The following AGBL1 variants were observed in gnomAD, a reference collection of about 807,000 sequenced individuals.
The protein encoded by AGBL1 is cytosolic carboxypeptidase 4.
In AGBL1, 130 loss-of-function variants were observed where a neutral mutation model predicts 118.9. The ratio of observed to expected loss-of-function variants is 1.09; its 90% CI spans 0.95 to 1.26. AGBL1 has a LOEUF of 1.26. AGBL1 is among the 50% of genes most tolerant of loss of function. AGBL1 has a pLI of 0.00. For synonymous variants in AGBL1, 555 were observed against 478.9 expected (o/e 1.16, Z -2.08); for missense variants, 1,584 against 1,298.1 (o/e 1.22, Z -3.38).
At position 86,998,268 on chromosome 15, in the gene AGBL1, G is replaced by C. The variant is rs537523435; in HGVS notation, c.3323+10180G>C. Among the ~76,000 whole-genome samples the C allele has an allele frequency of 7.2e-5, 11 of 152,270 alleles. No individual in the cohort carries two copies. The South Asian group carries it at 1.2e-3, about 17-fold the overall frequency. Reference sequence around the variant, plus strand: ...AAAGACTGTAACATTTGTATTTCAAGTAGATTCTCTCAATTGACTCTATCC... The same window carrying C: ...AAAGACTGTAACATTTGTATTTCAACTAGATTCTCTCAATTGACTCTATCC... On this transcript the variant is annotated intron_variant, in intron 24 of 24. Transcript: ENST00000441037.
chr15:86,415,360 A>T (rs912120391), intron 18 of AGBL1, among the ~76,000 whole-genome samples: 4 of 152,178 alleles, frequency 2.6e-5, no homozygotes, highest in African/African-American at 9.6e-5. Flanking sequence ...TCTGAGGGAT[A>T]CACCACAGTA....
At chr15:86,519,300 A>G (rs1416321273) in intron 18 of AGBL1, among the ~76,000 whole-genome samples, 2 of 152,178 alleles carry the variant, frequency 1.3e-5, no homozygotes, top group Non-Finnish European at 2.9e-5. Context: ...ACTATTTGAG[A>G]GAGGACCACT....
chr15:86,604,076 C>T (rs1351557105), intron 21 of AGBL1, among the ~76,000 whole-genome samples: 2 of 151,032 alleles, frequency 1.3e-5, no homozygotes, highest in African/African-American at 4.9e-5. Context: ...ATCGACCATC[C>T]ACCTATACAA....
chr15:87,013,027 T>C (rs1378023306), intron 24 of AGBL1, among the ~76,000 whole-genome samples: 1 of 152,208 alleles, frequency 6.6e-6, no homozygotes, highest in Admixed American at 6.5e-5. Context: ...GCTACTGATA[T>C]CTACACTTCA....
intron 21 of AGBL1, among the ~76,000 whole-genome samples, chr15:86,660,308 C>T (rs1415193702): frequency 2.0e-5 from 3 of 151,988 alleles, no homozygotes; most frequent in South Asian, 2.1e-4. Flanking sequence ...CCTAGACTTC[C>T]ATTATTGCTA....
chr15:86,677,561 T>G (rs1005236249), intron 22 of AGBL1, among the ~76,000 whole-genome samples: 2 of 152,166 alleles, frequency 1.3e-5, no homozygotes, highest in African/African-American at 2.4e-5. Context: ...TCTCGATTTG[T>G]ATCCCTCCAC....
At chr15:86,099,055 C>G (rs1420422302) in intron 1 of AGBL1, among the ~76,000 whole-genome samples, 1 of 152,034 alleles carries the variant, frequency 6.6e-6, no homozygotes, top group East Asian at 1.9e-4. Flanking sequence ...CGCAACATAT[C>G]AAAATCTATG....
At chr15:86,895,350 G>A (rs549225620) in intron 22 of AGBL1, among the ~76,000 whole-genome samples, 45 of 150,392 alleles carry the variant, frequency 3.0e-4, no homozygotes, top group African/African-American at 1.1e-3. Flanking sequence ...TATAACCACT[G>A]TCAGCCTACA....
At chr15:86,865,906 T>C (rs1051108643) in intron 22 of AGBL1, among the ~76,000 whole-genome samples, 5 of 152,310 alleles carry the variant, frequency 3.3e-5, no homozygotes, top group Admixed American at 2.0e-4. Context: ...ATTAAATGAG[T>C]TAATGCATAT....
At chr15:86,666,574 A>G (rs190212751) in intron 21 of AGBL1, among the ~76,000 whole-genome samples, 1 of 152,164 alleles carries the variant, frequency 6.6e-6, no homozygotes, top group Non-Finnish European at 1.5e-5. Flanking sequence ...AACAGTGGTG[A>G]AAGCAGGCCA....
chr15:86,984,918 C>G (rs543139011), intron 23 of AGBL1, among the ~76,000 whole-genome samples: 1 of 152,254 alleles, frequency 6.6e-6, no homozygotes, highest in Admixed American at 6.5e-5. Context: ...CACAGACAAC[C>G]GATGATCTGC....
chr15:86,549,355 A>T (rs1452906796), intron 20 of AGBL1, among the ~76,000 whole-genome samples: 1 of 152,122 alleles, frequency 6.6e-6, no homozygotes, highest in African/African-American at 2.4e-5. Flanking sequence ...TGAGCACTAC[A>T]TTTGCCCAAA....
At chr15:86,693,309 T>C (rs1469565361) in intron 22 of AGBL1, among the ~76,000 whole-genome samples, 2 of 152,140 alleles carry the variant, frequency 1.3e-5, no homozygotes, top group East Asian at 3.9e-4. Context: ...AGGAGTAAAG[T>C]GGTATCACAT....
chr15:86,119,736 G>T lies in AGBL1; in HGVS notation c.52-22268G>T, dbSNP rs190614085. Reference sequence around the variant, plus strand: ...ATGTGGAAACTAGTAGATAAAAGTTGTCCAGTATGACTGTGCAGACTGCAA... The same window carrying T: ...ATGTGGAAACTAGTAGATAAAAGTTTTCCAGTATGACTGTGCAGACTGCAA... On this transcript the variant is annotated intron_variant, in intron 1 of 22. Coordinates refer to ENST00000614907, the MANE Select transcript of AGBL1 (RefSeq NM_001386094.1). 8.2e-4 allele frequency among the ~76,000 whole-genome samples: 124 copies of T among 151,986 alleles called. 1 individual carries two copies. Among genetic ancestry groups the T allele is most frequent in the African/African-American group, 2.8e-3 (115 of 41,444 alleles).
intron 1 of AGBL1, among the ~76,000 whole-genome samples, chr15:86,115,120 C>T (rs147167355): frequency 6.2e-4 from 94 of 152,264 alleles, no homozygotes; most frequent in African/African-American, 1.3e-3. Context: ...CTCAAAATGA[C>T]ACAATGAGAC....
chr15:86,282,697 T>G (rs143321347), intron 16 of AGBL1, among the ~76,000 whole-genome samples: 36 of 152,328 alleles, frequency 2.4e-4, no homozygotes, highest in African/African-American at 8.4e-4. Context: ...TCATTTTTGT[T>G]TTTGGACATG....
intron 21 of AGBL1, among the ~76,000 whole-genome samples, chr15:86,597,172 C>CATCT (rs911017226): frequency 2.0e-5 from 3 of 151,730 alleles, no homozygotes; most frequent in African/African-American, 2.4e-5. Context: ...TCCATCCATC[C>CATCT]ATCTCTCTTA....
chr15:86,426,272 T>G (rs1244473102), intron 18 of AGBL1, among the ~76,000 whole-genome samples: 1 of 152,176 alleles, frequency 6.6e-6, no homozygotes, highest in East Asian at 1.9e-4. Context: ...TAAGACAAAT[T>G]TGTATGATGT....
chr15:86,575,997 A>T (rs1483920901), intron 21 of AGBL1, among the ~76,000 whole-genome samples: 1 of 152,230 alleles, frequency 6.6e-6, no homozygotes, highest in Non-Finnish European at 1.5e-5. Flanking sequence ...AACAATGTGC[A>T]AACAAGCTTA....
Sources: gnomAD v4.1 joint callset for allele counts (sites outside exome capture counted in the v4.1 genomes callset) on GRCh38, gnomAD v4.1.1 for gene constraint, MANE v1.5 for transcripts, NCBI Gene and HGNC (gene_info 2026-07-23, HGNC 2026-07-21) for gene names.